Variants in TEX11 observed in about 807,000 individuals in gnomAD.
The protein encoded by TEX11 is testis-expressed protein 11.
Under a neutral mutation model 84.4 loss-of-function variants are expected in TEX11, and 7 were observed. The observed-to-expected ratio is 0.08, with a 90% CI of 0.05 to 0.16. TEX11 has a LOEUF of 0.16. TEX11 is among the 10% of genes least tolerant of loss of function. The probability of loss-of-function intolerance (pLI) is 1.00; values close to 1 mark genes in which losing one functional copy is unlikely to be tolerated. For missense variants in TEX11, 551 were observed against 660.5 expected (o/e 0.83, Z 1.82); for synonymous variants, 264 against 222.8 (o/e 1.18, Z -1.64).
chrX:70,726,416 C>T (rs189426674), intron 11 of TEX11, among the ~76,000 whole-genome samples: 25 of 112,103 alleles, frequency 2.2e-4, no homozygotes. Context: ...ACTACACTTC[C>T]AGAAGTCATG....
Position 70,839,469 on chromosome X carries a change from C to T in TEX11, c.526-5876G>A, listed in dbSNP as rs948852931. ...GAAAACTAACAAACAGAAAGGACATCCACATCAAAAACTCATCTGTAGGTC... is the reference window on the plus strand; with the variant it reads ...GAAAACTAACAAACAGAAAGGACATTCACATCAAAAACTCATCTGTAGGTC... On this transcript the variant is annotated intron_variant, in intron 7 of 29. Coordinates refer to ENST00000374333, the MANE Select transcript of TEX11 (RefSeq NM_031276.3). Among the ~76,000 whole-genome samples, 3 of 111,559 alleles carry T rather than the reference C, an allele frequency of 2.7e-5. No individual in the cohort carries two copies. The Admixed American group carries it at 2.9e-4, about 11-fold the overall frequency.
chrX:70,767,409 G>T (rs1175822726), intron 9 of TEX11, among the ~76,000 whole-genome samples: 1 of 111,636 alleles, frequency 9.0e-6, no homozygotes, highest in Non-Finnish European at 1.9e-5. Flanking sequence ...ACTACAATGA[G>T]ATATCATCTC....
At chrX:70,556,950 C>CA (rs2088293921) in intron 25 of TEX11, among the ~76,000 whole-genome samples, 1 of 109,449 alleles carries the variant, frequency 9.1e-6, no homozygotes, top group African/African-American at 3.3e-5. Flanking sequence ...GATCAATATA[C>CA]AACAATCAAG....
At chrX:70,847,417 C>T (rs2091485577) in intron 7 of TEX11, among the ~76,000 whole-genome samples, 1 of 111,420 alleles carries the variant, frequency 9.0e-6, no homozygotes, top group Non-Finnish European at 1.9e-5. Flanking sequence ...TCTTTTATTT[C>T]TCTGAAGCAC....
intron 9 of TEX11, among the ~76,000 whole-genome samples, chrX:70,778,647 TTG>T (rs1258417509): frequency 9.9e-6 from 1 of 101,275 alleles, no homozygotes; most frequent in African/African-American, 4.4e-5. Flanking sequence ...TTGTTTGTTT[TTG>T]TTTTTTGTTT....
At chrX:70,590,221 G>A (rs73540797) in intron 25 of TEX11, among the ~76,000 whole-genome samples, 9,262 of 110,969 alleles carry the variant, frequency 0.083, 850 homozygotes, top group African/African-American at 0.27. Context: ...TTTACTTTTT[G>A]TTGTTTTTAT....
At chrX:70,816,867 C>G in intron 8 of TEX11, among the ~76,000 whole-genome samples, 1 of 110,867 alleles carries the variant, frequency 9.0e-6, no homozygotes, top group Admixed American at 9.7e-5. Flanking sequence ...GAAAGAAACC[C>G]AAAATGAAGA....
Position 70,853,121 on chromosome X carries a change from T to C in TEX11, c.438A>G (p.Gln146=). The C allele has an allele frequency of 1.7e-6, 2 of 1,209,650 alleles. No homozygotes were observed. The highest frequency in any genetic ancestry group is 2.2e-6 in the Non-Finnish European group (2 of 894,453). The part of the protein sequence containing the change: ...SLEQLYVKLI[Q]RSSPEADLTM... ...TCAAGTCAGCCTCAGGGGAGCTCCT[T>C]TGAATTAATTTGACGTATAATTGCT... The change falls in exon 7 of 30, where the codon CAA becomes CAG. Residue 146 remains glutamine (Q), a synonymous_variant. Coordinates refer to ENST00000374333, the MANE Select transcript of TEX11 (RefSeq NM_031276.3).
chrX:70,635,714 C>G (rs2089563299), intron 17 of TEX11, among the ~76,000 whole-genome samples: 1 of 111,052 alleles, frequency 9.0e-6, no homozygotes, highest in East Asian at 2.9e-4. Context: ...ACCCATGGAC[C>G]CAGCCTCTAG....
intron 16 of TEX11, among the ~76,000 whole-genome samples, chrX:70,662,067 G>A (rs781196935): frequency 1.8e-5 from 2 of 111,591 alleles, no homozygotes; most frequent in South Asian, 3.8e-4. Flanking sequence ...AAACTACTCC[G>A]AGCTAAAGGA....
chrX:70,644,582 C>T (rs1188642350), intron 17 of TEX11, among the ~76,000 whole-genome samples: 45 of 103,909 alleles, frequency 4.3e-4, no homozygotes, highest in African/African-American at 1.5e-3. Context: ...CCATGGAATA[C>T]TATGCAGCCA....
Position 70,729,966 on chromosome X carries a change from A to G in TEX11, c.844-4623T>C, listed in dbSNP as rs899552127. ...TCAGACTAACAGCTGATCTCTCGGCAGAAACTCTACAAGCCAGAAGAGAGT... is the reference window on the plus strand; with the variant it reads ...TCAGACTAACAGCTGATCTCTCGGCGGAAACTCTACAAGCCAGAAGAGAGT... On this transcript the variant is annotated intron_variant, in intron 11 of 29. Transcript: ENST00000374333. Among the ~76,000 whole-genome samples, 7 of 112,543 alleles carry G rather than the reference A, an allele frequency of 6.2e-5. No homozygotes were observed. The Admixed American group carries it at 6.6e-4, about 11-fold the overall frequency.
At position 70,744,245 on chromosome X, in the gene TEX11, T is replaced by A. The variant is rs755516361; in HGVS notation, c.693-26A>T. On this transcript the variant is annotated intron_variant, in intron 9 of 29. Coordinates refer to ENST00000374333, the MANE Select transcript of TEX11 (RefSeq NM_031276.3). ...CTATCATTAAAAAGGAAAAAAAATATATATATATATATAAACATATATCCA... is the reference window on the plus strand; with the variant it reads ...CTATCATTAAAAAGGAAAAAAAATAAATATATATATATAAACATATATCCA... The A allele has an allele frequency of 5.9e-4, 331 of 565,493 alleles. 3 individuals are homozygous for A. The highest frequency in any genetic ancestry group is 2.1e-3 in the African/African-American group (74 of 35,387). The allele number at this position is 565,493 out of a possible 1,213,427, so 46.6% of individuals were successfully genotyped here.
intron 7 of TEX11, among the ~76,000 whole-genome samples, chrX:70,844,552 G>A (rs2091467559): frequency 9.2e-6 from 1 of 108,730 alleles, no homozygotes; most frequent in African/African-American, 3.3e-5. Flanking sequence ...CATGGCACAT[G>A]TACACATATG....
At chrX:70,632,581 T>TCAAAAA (rs1047659298) in intron 17 of TEX11, among the ~76,000 whole-genome samples, 1 of 110,211 alleles carries the variant, frequency 9.1e-6, no homozygotes, top group Non-Finnish European at 1.9e-5. Flanking sequence ...TGAGACTCTA[T>TCAAAAA]CAAAAACAAA....
Position 70,624,825 on chromosome X carries a change from T to TAC in TEX11, c.1694+13_1694+14insGT, listed in dbSNP as rs773764342. 2.6e-6 allele frequency: 3 copies of TAC among 1,175,256 alleles called. No homozygotes were observed. The highest frequency in any genetic ancestry group is 3.5e-6 in the Non-Finnish European group (3 of 865,636). ...AGGAAATACTTTCTCTTCCACAGGATGTAGGTTACTTACTTTACAGCTGTA... is the reference window on the plus strand; with the variant it reads ...AGGAAATACTTTCTCTTCCACAGGATACGTAGGTTACTTACTTTACAGCTGTA... On this transcript the variant is annotated intron_variant, in intron 19 of 29. Transcript: ENST00000374333.
At chrX:70,901,751 G>A (rs1366308930) in intron 2 of TEX11, among the ~76,000 whole-genome samples, 1 of 111,480 alleles carries the variant, frequency 9.0e-6, no homozygotes, top group African/African-American at 3.3e-5. Context: ...GTGGCCCAGG[G>A]GTTGAGGACC....
intron 24 of TEX11, among the ~76,000 whole-genome samples, chrX:70,601,126 C>A (rs1205019643): frequency 1.5e-4 from 7 of 46,586 alleles, no homozygotes; most frequent in Admixed American, 3.3e-4. Context: ...ACTAGCAAGA[C>A]TAATAAAGAA....
At chrX:70,808,759 A>T (rs924368096) in intron 8 of TEX11, among the ~76,000 whole-genome samples, 1 of 110,909 alleles carries the variant, frequency 9.0e-6, no homozygotes, top group East Asian at 2.8e-4. Flanking sequence ...ATTGCAACAC[A>T]TTTCTCAGTA....
Sources: gnomAD v4.1 joint callset for allele counts (sites outside exome capture counted in the v4.1 genomes callset) on GRCh38, gnomAD v4.1.1 for gene constraint, MANE v1.5 for transcripts, NCBI Gene and HGNC (gene_info 2026-07-23, HGNC 2026-07-21) for gene names.